Variants in ZFYVE9 observed in about 807,000 individuals in gnomAD.
The protein encoded by ZFYVE9 is zinc finger FYVE-type containing 9, also known as zinc finger FYVE domain-containing protein 9.
ZFYVE9 carries 43 observed loss-of-function variants against 126.7 expected under a neutral mutation model. That is an observed-to-expected ratio of 0.34 (90% CI 0.27 to 0.44). The LOEUF (loss-of-function observed/expected upper bound fraction) is 0.44. Among genes scored for constraint, ZFYVE9 ranks in the 20% least tolerant of loss-of-function variants. The probability of loss-of-function intolerance (pLI) is 1.00; values close to 1 mark genes in which losing one functional copy is unlikely to be tolerated. For synonymous variants in ZFYVE9, 521 were observed against 597.4 expected, an observed-to-expected ratio of 0.87 and a Z score of 1.87; for missense variants, 1,476 against 1,697.0, an observed-to-expected ratio of 0.87 and a Z score of 2.29.
chr1:52,219,433 T>G (rs1430407736), intron 2 of ZFYVE9, among the ~76,000 whole-genome samples: 2 of 151,952 alleles, frequency 1.3e-5, no homozygotes, highest in Non-Finnish European at 2.9e-5. Context: ...GTCCATGCTT[T>G]TTTGGCCGTT....
At chr1:52,203,709 AGTT>A (rs34647190) in intron 1 of ZFYVE9, among the ~76,000 whole-genome samples, 124,261 of 150,792 alleles carry the variant, frequency 0.82, 52,464 homozygotes, top group East Asian at 0.97. Context: ...CACCCTTTGT[AGTT>A]GTTCCACAGT....
At position 52,268,472 on chromosome 1, in the gene ZFYVE9, C is replaced by T; in HGVS notation, c.2465C>T (p.Pro822Leu). 6.2e-7 allele frequency: 1 copy of T among 1,613,822 alleles called. No homozygotes were observed. Among genetic ancestry groups the T allele is most frequent in the Non-Finnish European group, 8.5e-7 (1 of 1,179,794 alleles). ...TTTCTGGCCCCTCAAGTGGCTCAGC[C>T]CAGAGAGCAGAGGCGAGTTTGGTTT... ...LKHPGAEVAQPREQRRVWFAD... is the reference protein window; with the variant it reads ...LKHPGAEVAQLREQRRVWFAD... Residue 822 changes from proline to leucine, a missense_variant, in exon 7 of 19, where the codon CCC (proline) becomes CTC (leucine). Coordinates refer to ENST00000287727, the MANE Select transcript of ZFYVE9 (RefSeq NM_004799.4).
At chr1:52,321,638 C>T (rs1194425555) in intron 13 of ZFYVE9, among the ~76,000 whole-genome samples, 1 of 152,126 alleles carries the variant, frequency 6.6e-6, no homozygotes, top group Admixed American at 6.6e-5. Flanking sequence ...AGGAGTGGTT[C>T]TACTACACTG....
At chr1:52,296,119 A>G (rs929409091) in intron 12 of ZFYVE9, 142 bp downstream of exon 12, 1 of 558,266 alleles carries the variant, frequency 1.8e-6, no homozygotes, top group African/African-American at 1.9e-5. Context: ...AGAACAGTAT[A>G]TGTATGTGTA....
intron 16 of ZFYVE9, 132 bp downstream of exon 16, chr1:52,338,066 T>C: frequency 8.7e-7 from 1 of 1,149,546 alleles, no homozygotes; most frequent in Admixed American, 3.0e-5. Context: ...TTTGTATGCT[T>C]AACGTAGAAT....
intron 12 of ZFYVE9, among the ~76,000 whole-genome samples, chr1:52,302,323 C>T (rs553357523): frequency 6.6e-5 from 10 of 152,288 alleles, no homozygotes; most frequent in African/African-American, 2.4e-4. Flanking sequence ...ACATCATATT[C>T]TACATTTCAG....
chr1:52,144,487 C>G (rs1644290222), intron 1 of ZFYVE9, among the ~76,000 whole-genome samples: 1 of 152,192 alleles, frequency 6.6e-6, no homozygotes, highest in East Asian at 1.9e-4. Flanking sequence ...TTATTTTTAT[C>G]AGTCTCCCTG....
At chr1:52,342,569 C>G (rs1646447989) in intron 17 of ZFYVE9, among the ~76,000 whole-genome samples, 2 of 142,862 alleles carry the variant, frequency 1.4e-5, no homozygotes, top group Admixed American at 7.2e-5. Context: ...GAGTCTCGCT[C>G]TTGTCACCCA....
At chr1:52,184,393 A>ATTTT (rs57242903) in intron 1 of ZFYVE9, among the ~76,000 whole-genome samples, 1 of 115,068 alleles carries the variant, frequency 8.7e-6, no homozygotes, top group African/African-American at 3.4e-5. Flanking sequence ...AGTCCAGCTA[A>ATTTT]TTTTTTTTTT....
At chr1:52,304,452 G>A (rs907828640) in intron 13 of ZFYVE9, among the ~76,000 whole-genome samples, 6 of 151,810 alleles carry the variant, frequency 4.0e-5, no homozygotes, top group South Asian at 4.2e-4. Flanking sequence ...TAGTAGAGAC[G>A]AGGTTTCACC....
chr1:52,332,531 G>C (rs1646351945), intron 13 of ZFYVE9, among the ~76,000 whole-genome samples: 1 of 152,160 alleles, frequency 6.6e-6, no homozygotes, highest in Non-Finnish European at 1.5e-5. Flanking sequence ...AATGCAAAAT[G>C]TATCATGTGC....
chr1:52,209,689 A>G (rs1361162464), intron 1 of ZFYVE9, among the ~76,000 whole-genome samples: 2 of 152,218 alleles, frequency 1.3e-5, no homozygotes, highest in African/African-American at 4.8e-5. Context: ...GTTTTGGAAA[A>G]TAGGCAAGAT....
intron 9 of ZFYVE9, among the ~76,000 whole-genome samples, chr1:52,279,393 A>G (rs1326862909): frequency 2.0e-5 from 3 of 152,224 alleles, no homozygotes; most frequent in African/African-American, 7.2e-5. Flanking sequence ...AATACATCAT[A>G]AATTGAGATT....
chr1:52,165,457 T>C (rs1644504720), intron 1 of ZFYVE9, among the ~76,000 whole-genome samples: 1 of 152,130 alleles, frequency 6.6e-6, no homozygotes, highest in African/African-American at 2.4e-5. Flanking sequence ...GGGAGTTTTG[T>C]GTGTATACAT....
Position 52,266,697 on chromosome 1 carries a change from C to T in ZFYVE9, c.2321C>T (p.Pro774Leu). ...ENMMSASSQS[P>L]NPNNPAEYCS... is the part of the protein sequence containing the mutation. ...ATGATGAGTGCCTCAAGCCAGAGCCCTAACCCTAACAATCCTGCTGAATAC... is the reference window on the plus strand; with the variant it reads ...ATGATGAGTGCCTCAAGCCAGAGCCTTAACCCTAACAATCCTGCTGAATAC... The change falls in exon 6 of 19, where the codon CCT becomes CTT. Residue 774 changes from proline (P) to leucine (L), a missense_variant. By Grantham distance (98) the Pro-to-Leu change is moderately conservative. Transcript: ENST00000287727. 2 of 1,610,012 alleles carry T rather than the reference C, an allele frequency of 1.2e-6. No homozygotes were observed. Among genetic ancestry groups the T allele is most frequent in the Non-Finnish European group, 1.7e-6 (2 of 1,178,274 alleles).
At chr1:52,258,795 A>G (rs1386534163) in intron 4 of ZFYVE9, among the ~76,000 whole-genome samples, 1 of 152,036 alleles carries the variant, frequency 6.6e-6, no homozygotes, top group Admixed American at 6.6e-5. Flanking sequence ...TTGGAAACGT[A>G]AAGGATCTCT....
intron 7 of ZFYVE9, among the ~76,000 whole-genome samples, chr1:52,270,287 G>A (rs568106147): frequency 1.7e-4 from 26 of 152,018 alleles, no homozygotes; most frequent in Non-Finnish European, 3.2e-4. Flanking sequence ...GTTTTGAGAT[G>A]GAGTCTTGCT....
intron 6 of ZFYVE9, among the ~76,000 whole-genome samples, chr1:52,267,588 A>T (rs974300523): frequency 1.3e-5 from 2 of 152,170 alleles, no homozygotes; most frequent in Non-Finnish European, 2.9e-5. Flanking sequence ...CTTGCTAAAT[A>T]ACCCACCTTT....
At chr1:52,288,521 T>C (rs1017546915) in intron 10 of ZFYVE9, among the ~76,000 whole-genome samples, 2 of 152,206 alleles carry the variant, frequency 1.3e-5, no homozygotes, top group African/African-American at 4.8e-5. Flanking sequence ...ACATGACCTT[T>C]TATGAAGTAG....
Sources: allele counts gnomAD v4.1 joint callset (sites outside exome capture counted in the v4.1 genomes callset), GRCh38; gene constraint gnomAD v4.1.1; transcripts MANE v1.5; gene names NCBI Gene and HGNC (gene_info 2026-07-23, HGNC 2026-07-21).